KLHL5: variants seen among roughly 807,000 people sequenced by gnomAD.
KLHL5 encodes the protein kelch like family member 5.
Under a neutral mutation model 77.7 loss-of-function variants are expected in KLHL5, and 48 were observed. The ratio of observed to expected loss-of-function variants is 0.62; its 90% confidence interval spans 0.49 to 0.79. The LOEUF (loss-of-function observed/expected upper bound fraction) is 0.79. Ranked by LOEUF, KLHL5 falls within the 30% of genes least tolerant of loss-of-function variation. The pLI is 0.00. For synonymous variants in KLHL5, 260 were observed against 297.0 expected (o/e 0.88, Z 1.28); for missense variants, 723 against 859.7 (o/e 0.84, Z 1.99).
At chr4:39,084,880 T>C (rs371162456) in intron 4 of KLHL5, among the ~76,000 whole-genome samples, 1 of 152,166 alleles carries the variant, frequency 6.6e-6, no homozygotes, top group East Asian at 1.9e-4. Flanking sequence ...ACCTACGTGA[T>C]CTTTGTCTTT....
chr4:39,069,499 C>T (rs61313427), intron 1 of KLHL5, among the ~76,000 whole-genome samples: 6 of 136,666 alleles, frequency 4.4e-5, no homozygotes, highest in Admixed American at 1.5e-4. Flanking sequence ...CACACACACA[C>T]ACATACATAT....
intron 8 of KLHL5, among the ~76,000 whole-genome samples, chr4:39,109,144 A>G (rs1722258422): frequency 6.6e-6 from 1 of 152,126 alleles, no homozygotes; most frequent in African/African-American, 2.4e-5. Context: ...GTAAGTAGAA[A>G]GTATGCGGTT....
At chr4:39,045,971 G>A (rs2110097695) in intron 1 of KLHL5, among the ~76,000 whole-genome samples, 1 of 150,900 alleles carries the variant, frequency 6.6e-6, no homozygotes, top group Non-Finnish European at 1.5e-5. Context: ...TCTCCTTCCT[G>A]TTAGGAAACA....
chr4:39,133,747 A>G, the KLHL5 span, among the ~76,000 whole-genome samples: 4 of 152,140 alleles, frequency 2.6e-5, no homozygotes, highest in Admixed American at 1.3e-4. Flanking sequence ...CTATAGCTCT[A>G]TAGTCAGCAA....
chr4:39,092,451 A>G (rs1433646052), intron 5 of KLHL5, among the ~76,000 whole-genome samples: 1 of 152,154 alleles, frequency 6.6e-6, no homozygotes, highest in African/African-American at 2.4e-5. Context: ...CATTTTTTTC[A>G]CATTTATTTT....
At chr4:39,099,517 C>T (rs1197424254) in intron 6 of KLHL5, among the ~76,000 whole-genome samples, 3 of 152,164 alleles carry the variant, frequency 2.0e-5, no homozygotes, top group African/African-American at 7.2e-5. Context: ...CTCACTGATG[C>T]TTTTATTTCA....
At chr4:39,108,566 G>T (rs3796509) in intron 8 of KLHL5, among the ~76,000 whole-genome samples, 79,536 of 151,820 alleles carry the variant, frequency 0.52, 21,448 homozygotes, top group Non-Finnish European at 0.59. Context: ...TCTATTTTTT[G>T]ATACTTTTTG....
chr4:39,051,832 A>C (rs1272018619), intron 1 of KLHL5, among the ~76,000 whole-genome samples: 2 of 152,252 alleles, frequency 1.3e-5, no homozygotes, highest in Non-Finnish European at 2.9e-5. Context: ...ATCACAGGGA[A>C]GTCAAAGCTA....
At chr4:39,065,815 C>T (rs1253357631) in intron 1 of KLHL5, among the ~76,000 whole-genome samples, 1 of 152,062 alleles carries the variant, frequency 6.6e-6, no homozygotes, top group Admixed American at 6.5e-5. Flanking sequence ...ACTAATTACT[C>T]GTTTTAACCG....
intron 2 of KLHL5, among the ~76,000 whole-genome samples, chr4:39,078,385 CAA>C (rs34715117): frequency 5.3e-4 from 77 of 144,578 alleles, no homozygotes; most frequent in Non-Finnish European, 6.4e-4. Context: ...GACCCTGTCT[CAA>C]AAAAAAAAAA....
chr4:39,079,641 T>C (rs1719426661), intron 2 of KLHL5, among the ~76,000 whole-genome samples: 5 of 152,188 alleles, frequency 3.3e-5, no homozygotes, highest in Admixed American at 6.5e-5. Flanking sequence ...CAACTTTTTT[T>C]CCCCTTAGCA....
intron 10 of KLHL5, among the ~76,000 whole-genome samples, chr4:39,118,848 G>A (rs1238071114): frequency 1.3e-5 from 2 of 152,110 alleles, no homozygotes; most frequent in Non-Finnish European, 2.9e-5. Context: ...GTGTAGAAAG[G>A]TACAGGGAGT....
At chr4:39,101,963 C>CAT (rs201466644) in intron 6 of KLHL5, among the ~76,000 whole-genome samples, 103,952 of 146,360 alleles carry the variant, frequency 0.71, 36,963 homozygotes, top group East Asian at 0.82. Context: ...TATACACACA[C>CAT]ATATATATGT....
At chr4:39,051,362 A>G (rs925207003) in intron 1 of KLHL5, among the ~76,000 whole-genome samples, 2 of 85,644 alleles carry the variant, frequency 2.3e-5, no homozygotes, top group Admixed American at 2.7e-4. Context: ...CCTGAAGAGG[A>G]TTTCCCAGAA....
chr4:39,067,077 A>G (rs1267732965), intron 1 of KLHL5, among the ~76,000 whole-genome samples: 1 of 152,224 alleles, frequency 6.6e-6, no homozygotes, highest in African/African-American at 2.4e-5. Flanking sequence ...ATTATTAACT[A>G]AAGTCCATAC....
chr4:39,058,488 G>A (rs182008875), upstream of KLHL5, among the ~76,000 whole-genome samples: 4 of 152,122 alleles, frequency 2.6e-5, no homozygotes, highest in Non-Finnish European at 4.4e-5. Context: ...GTGATGGTGC[G>A]TGCCTGTAGT....
At chr4:39,076,237 A>G (rs1373940507) in intron 2 of KLHL5, 90 bp downstream of exon 2, 1 of 1,144,410 alleles carries the variant, frequency 8.7e-7, no homozygotes, top group African/African-American at 1.6e-5. Context: ...ATTGACTATT[A>G]TGTTTTTGGG....
chr4:39,045,162 C>T (rs1353267326), intron 1 of KLHL5: 1 of 984,088 alleles, frequency 1.0e-6, no homozygotes, highest in East Asian at 1.1e-4. Flanking sequence ...CTTCCCGCCC[C>T]CACGCGACTC....
chr4:39,095,919 G>T (rs748351903), intron 5 of KLHL5, among the ~76,000 whole-genome samples: 6 of 151,760 alleles, frequency 4.0e-5, no homozygotes, highest in Non-Finnish European at 7.4e-5. Context: ...TGTCAGCAGA[G>T]GTTTGCATAA....
Sources: gnomAD v4.1 joint callset for allele counts (sites outside exome capture counted in the v4.1 genomes callset) on GRCh38, gnomAD v4.1.1 for gene constraint, MANE v1.5 for transcripts, NCBI Gene and HGNC (gene_info 2026-07-23, HGNC 2026-07-21) for gene names.